PLAAT1: variants seen among roughly 807,000 people sequenced by gnomAD.
PLAAT1 encodes H-REV107 protein-related protein.
A neutral mutation model predicts 16.4 loss-of-function variants in PLAAT1; 13 were observed. That is an observed-to-expected ratio of 0.79 (90% CI 0.52 to 1.26). The LOEUF (loss-of-function observed/expected upper bound fraction) is 1.26, where lower values mean the gene tolerates loss of function less well. Ranked by LOEUF, PLAAT1 falls within the 50% of genes most tolerant of loss-of-function variation. PLAAT1 has a pLI of 0.00. For missense variants in PLAAT1, 218 were observed against 207.8 expected, an observed-to-expected ratio of 1.05 and a Z score of -0.30; for synonymous variants, 73 against 78.4, an observed-to-expected ratio of 0.93 and a Z score of 0.36.
At chr3:193,243,745 TCA>T (rs1340560571) in intron 1 of PLAAT1, among the ~76,000 whole-genome samples, 2 of 152,192 alleles carry the variant, frequency 1.3e-5, no homozygotes, top group Non-Finnish European at 2.9e-5. Flanking sequence ...CATCTGAGTC[TCA>T]GTTTCCTCAT....
downstream of PLAAT1, among the ~76,000 whole-genome samples, chr3:193,273,723 G>A (rs1167175853): frequency 6.6e-6 from 1 of 151,968 alleles, no homozygotes; most frequent in Non-Finnish European, 1.5e-5. Flanking sequence ...TTATGGTGAG[G>A]GTGATATATA....
downstream of PLAAT1, among the ~76,000 whole-genome samples, chr3:193,271,710 TTAAA>T (rs1560106832): frequency 1.3e-5 from 2 of 152,114 alleles, no homozygotes; most frequent in Non-Finnish European, 2.9e-5. Context: ...AAGCTTGGCA[TTAAA>T]TAAAGGAAAT....
At chr3:193,248,132 T>C (rs968130594) in intron 1 of PLAAT1, among the ~76,000 whole-genome samples, 5 of 152,204 alleles carry the variant, frequency 3.3e-5, no homozygotes, top group Admixed American at 6.5e-5. Flanking sequence ...TCTTTATGAA[T>C]TGACCCCTTC....
At chr3:193,247,602 A>G (rs1005770664) in intron 1 of PLAAT1, among the ~76,000 whole-genome samples, 2 of 152,226 alleles carry the variant, frequency 1.3e-5, no homozygotes, top group Admixed American at 6.5e-5. Context: ...AGCTGAGCTA[A>G]GGAGTAAAAA....
intron 2 of PLAAT1, among the ~76,000 whole-genome samples, chr3:193,257,858 C>G (rs1012437001): frequency 3.3e-5 from 5 of 152,160 alleles, no homozygotes; most frequent in Non-Finnish European, 1.5e-5. Context: ...CCATCTTTCT[C>G]CCATGCTGGA....
At chr3:193,256,503 C>T (rs6796100) in intron 2 of PLAAT1, among the ~76,000 whole-genome samples, 61,247 of 151,940 alleles carry the variant, frequency 0.4, 13,423 homozygotes, top group Non-Finnish European at 0.48. Context: ...GAATTAGGAA[C>T]AGTTTGTAAA....
intron 3 of PLAAT1, among the ~76,000 whole-genome samples, chr3:193,267,709 C>G (rs1305669081): frequency 6.6e-6 from 1 of 152,156 alleles, no homozygotes; most frequent in Non-Finnish European, 1.5e-5. Flanking sequence ...AAGTATTCAG[C>G]TCCTTTGGGT....
downstream of PLAAT1, among the ~76,000 whole-genome samples, chr3:193,274,596 A>G (rs1717100246): frequency 6.6e-6 from 1 of 152,250 alleles, no homozygotes; most frequent in Non-Finnish European, 1.5e-5. Context: ...CCAGTGAAAC[A>G]AAAAGAGGAA....
At chr3:193,244,447 T>A (rs1195862677) in intron 1 of PLAAT1, among the ~76,000 whole-genome samples, 3 of 151,878 alleles carry the variant, frequency 2.0e-5, no homozygotes, top group Non-Finnish European at 4.4e-5. Context: ...TTCTGTTAGA[T>A]GTATAATGAT....
downstream of PLAAT1, among the ~76,000 whole-genome samples, chr3:193,280,837 G>A (rs767323206): frequency 6.6e-6 from 1 of 152,028 alleles, no homozygotes; most frequent in Non-Finnish European, 1.5e-5. Flanking sequence ...AACAAACTAG[G>A]TTTTCTCTTA....
intron 3 of PLAAT1, among the ~76,000 whole-genome samples, chr3:193,270,294 C>T (rs961246500): frequency 6.6e-6 from 1 of 152,162 alleles, no homozygotes; most frequent in Non-Finnish European, 1.5e-5. Context: ...GTATATTAAC[C>T]TCTTTCACCA....
At chr3:193,240,852 T>G (rs1383764701), upstream of PLAAT1, among the ~76,000 whole-genome samples, 1 of 152,048 alleles carries the variant, frequency 6.6e-6, no homozygotes, top group Non-Finnish European at 1.5e-5. Flanking sequence ...CTAAGGGAAT[T>G]TTTGTTAGGC....
chr3:193,276,336 C>T (rs1487657086), intron 2 of PLAAT1, among the ~76,000 whole-genome samples: 1 of 152,156 alleles, frequency 6.6e-6, no homozygotes, highest in Non-Finnish European at 1.5e-5. Context: ...AAGGAATTGA[C>T]TAGAATAAGC....
At chr3:193,241,997 A>C (rs2108773653) in intron 1 of PLAAT1, among the ~76,000 whole-genome samples, 1 of 152,272 alleles carries the variant, frequency 6.6e-6, no homozygotes, top group African/African-American at 2.4e-5. Context: ...CGGAGACTGA[A>C]GGTATAGAGC....
At chr3:193,265,788 C>T in intron 3 of PLAAT1, among the ~76,000 whole-genome samples, 1 of 151,606 alleles carries the variant, frequency 6.6e-6, no homozygotes, top group Middle Eastern at 3.2e-3. Flanking sequence ...TCACATGTAA[C>T]AATAAATTGC....
intron 1 of PLAAT1, among the ~76,000 whole-genome samples, chr3:193,243,706 C>G (rs957243551): frequency 1.3e-5 from 2 of 152,202 alleles, no homozygotes; most frequent in Admixed American, 6.5e-5. Context: ...CGCTTACTAC[C>G]TGTGCGACTT....
exon 3 of PLAAT1, chr3:193,277,705 T>C (rs1717288042): frequency 6.6e-6 from 1 of 152,270 alleles, no homozygotes; most frequent in Admixed American, 6.5e-5. Context: ...AAAGGGTTGT[T>C]TGGAAAAGCT....
chr3:193,246,468 GCTGTCCTCTCAC>G (rs1715990147), intron 1 of PLAAT1, among the ~76,000 whole-genome samples: 1 of 152,110 alleles, frequency 6.6e-6, no homozygotes, highest in African/African-American at 2.4e-5. Context: ...TCGAGCTCAA[GCTGTCCTCTCAC>G]CTCAGCCTCT....
intron 1 of PLAAT1, among the ~76,000 whole-genome samples, chr3:193,253,691 C>CTT (rs1716275159): frequency 6.6e-6 from 1 of 152,034 alleles, no homozygotes; most frequent in South Asian, 2.1e-4. Flanking sequence ...AAGTAGAAGA[C>CTT]TAAGAGAAGA....
Sources: gnomAD v4.1 joint callset for allele counts (sites outside exome capture counted in the v4.1 genomes callset) on GRCh38, gnomAD v4.1.1 for gene constraint, MANE v1.5 for transcripts, NCBI Gene and HGNC (gene_info 2026-07-23, HGNC 2026-07-21) for gene names.